Variants in ANO3 observed in about 807,000 individuals in gnomAD.
ANO3 encodes anoctamin-3.
ANO3 carries 99 observed loss-of-function variants against 144.8 expected under a neutral mutation model. The observed-to-expected ratio is 0.68, with a 90% confidence interval of 0.58 to 0.81. The LOEUF (loss-of-function observed/expected upper bound fraction) is 0.81, where lower values mean the gene tolerates loss of function less well. ANO3 is among the 30% of genes least tolerant of loss of function. The pLI is 0.00. For synonymous variants in ANO3, 414 were observed against 392.6 expected, an observed-to-expected ratio of 1.05 and a Z score of -0.64; for missense variants, 905 against 1,202.2, an observed-to-expected ratio of 0.75 and a Z score of 3.66.
chr11:26,465,812 CTGAGT>C (rs1291096793), intron 4 of ANO3, among the ~76,000 whole-genome samples: 2 of 151,846 alleles, frequency 1.3e-5, no homozygotes, highest in East Asian at 3.9e-4. Context: ...CAAACATTTT[CTGAGT>C]TGAGTTGGGG....
At chr11:26,456,770 G>A (rs1408527594) in intron 3 of ANO3, among the ~76,000 whole-genome samples, 16 of 131,026 alleles carry the variant, frequency 1.2e-4, no homozygotes, top group Non-Finnish European at 1.1e-4. Flanking sequence ...AAAGACACAT[G>A]CACACGTATG....
chr11:26,577,522 C>T (rs572106784), intron 14 of ANO3, among the ~76,000 whole-genome samples: 1 of 149,914 alleles, frequency 6.7e-6, no homozygotes, highest in South Asian at 2.1e-4. Context: ...TGAGATTGCG[C>T]CATTACACTC....
chr11:26,487,041 A>G (rs952769185), intron 4 of ANO3, among the ~76,000 whole-genome samples: 1 of 152,214 alleles, frequency 6.6e-6, no homozygotes, highest in Non-Finnish European at 1.5e-5. Context: ...GTGACTTACA[A>G]TTGATTGGCT....
At chr11:26,279,609 C>A (rs12282880) in intron 1 of ANO3, among the ~76,000 whole-genome samples, 4,542 of 152,210 alleles carry the variant, frequency 0.03, 216 homozygotes, top group African/African-American at 0.1. Flanking sequence ...TGTCTTTTTG[C>A]ACATTTCTGT....
At chr11:26,585,082 GC>G (rs1467849314) in intron 14 of ANO3, among the ~76,000 whole-genome samples, 1 of 152,148 alleles carries the variant, frequency 6.6e-6, no homozygotes, top group African/African-American at 2.4e-5. Context: ...TCCTATGGAG[GC>G]CTCTGATCCT....
chr11:26,345,206 C>T (rs1277422453), intron 1 of ANO3, among the ~76,000 whole-genome samples: 4 of 152,100 alleles, frequency 2.6e-5, no homozygotes, highest in African/African-American at 9.7e-5. Flanking sequence ...GGAATTGTGA[C>T]AATCAAAGCA....
chr11:26,629,813 T>C (rs1402278949), intron 18 of ANO3, among the ~76,000 whole-genome samples: 1 of 152,070 alleles, frequency 6.6e-6, no homozygotes, highest in African/African-American at 2.4e-5. Context: ...GTATTTTTAG[T>C]AGAGACAGGG....
At chr11:26,384,915 C>G (rs910953671) in intron 1 of ANO3, among the ~76,000 whole-genome samples, 2 of 152,218 alleles carry the variant, frequency 1.3e-5, no homozygotes, top group Non-Finnish European at 1.5e-5. Context: ...CTTGGCAATT[C>G]TACCTTGTCT....
rs191880864 is a variant in ANO3 at position 26,527,517 on chromosome 11, A to T, written c.737+1838A>T. On this transcript the variant is annotated intron_variant, in intron 7 of 26. Coordinates refer to ENST00000256737, the MANE Select transcript of ANO3 (RefSeq NM_031418.4). ...ATTATATAACATTAAACTGAAAAAA[A>T]TTACAAAATTTGGAAACTCAATCTG... Among the ~76,000 whole-genome samples, 1,003 of 152,276 alleles carry T rather than the reference A, an allele frequency of 6.6e-3. 6 individuals are homozygous for T. The highest frequency in any genetic ancestry group is 1.0e-2 in the Non-Finnish European group (678 of 68,008).
intron 13 of ANO3, among the ~76,000 whole-genome samples, chr11:26,554,185 T>C (rs2134232194): frequency 6.6e-6 from 1 of 152,250 alleles, no homozygotes; most frequent in Non-Finnish European, 1.5e-5. Flanking sequence ...TTGAATCCTG[T>C]GTATTTATGT....
intron 5 of ANO3, among the ~76,000 whole-genome samples, chr11:26,511,470 A>G (rs1354951639): frequency 3.3e-5 from 5 of 152,220 alleles, no homozygotes; most frequent in Non-Finnish European, 7.3e-5. Context: ...TGCACAACTG[A>G]GAGAGTACTT....
chr11:26,639,113 A>C lies in ANO3; in HGVS notation c.2044-31A>C. 2.0e-6 allele frequency: 3 copies of C among 1,467,920 alleles called. No individual in the cohort carries two copies. The South Asian group carries it at 3.4e-5, about 17-fold the overall frequency. The allele number at this position is 1,467,920 out of a possible 1,614,324, so 90.9% of individuals were successfully genotyped here. A position where few individuals can be genotyped will look rare whatever the true frequency, so the allele number is the denominator to read the frequency against. On this transcript the variant is annotated intron_variant, in intron 20 of 26. Transcript: ENST00000256737. ...TCTGAGCCTACTGGGAAGAAGACCA[A>C]TATCATTATTGCTCTTATGTTCTAT...
intron 1 of ANO3, among the ~76,000 whole-genome samples, chr11:26,283,195 G>A (rs1218897111): frequency 6.7e-6 from 1 of 150,366 alleles, no homozygotes; most frequent in Non-Finnish European, 1.5e-5. Flanking sequence ...TCTTATACAA[G>A]GTATATGATG....
intron 4 of ANO3, among the ~76,000 whole-genome samples, chr11:26,465,030 A>G (rs1047800510): frequency 6.6e-6 from 1 of 151,608 alleles, no homozygotes; most frequent in Non-Finnish European, 1.5e-5. Context: ...ACCTCAAAAA[A>G]GCAATAATCT....
At chr11:26,246,595 T>C (rs944826332) in intron 1 of ANO3, among the ~76,000 whole-genome samples, 62 of 149,812 alleles carry the variant, frequency 4.1e-4, no homozygotes, top group African/African-American at 1.5e-3. Flanking sequence ...TAATTTACCT[T>C]ATTTTTAAGA....
intron 1 of ANO3, among the ~76,000 whole-genome samples, chr11:26,231,388 C>G (rs1301559359): frequency 6.6e-6 from 1 of 152,064 alleles, no homozygotes; most frequent in Non-Finnish European, 1.5e-5. Context: ...TGACTCACCA[C>G]AGCCACGCAT....
intron 3 of ANO3, among the ~76,000 whole-genome samples, chr11:26,461,213 A>G (rs967884589): frequency 6.6e-6 from 1 of 152,106 alleles, no homozygotes; most frequent in Non-Finnish European, 1.5e-5. Flanking sequence ...TGCCTTACAA[A>G]CTGGCAGTCA....
chr11:26,622,716 T>A (rs1465024555), intron 17 of ANO3, among the ~76,000 whole-genome samples: 1 of 152,230 alleles, frequency 6.6e-6, no homozygotes. Flanking sequence ...CTCAGTCGTG[T>A]TGTCTCACTA....
At chr11:26,442,332 T>C (rs1858549435) in intron 2 of ANO3, among the ~76,000 whole-genome samples, 1 of 152,178 alleles carries the variant, frequency 6.6e-6, no homozygotes, top group Non-Finnish European at 1.5e-5. Flanking sequence ...GGACCTAATA[T>C]TTGTTTGCAG....
Sources: allele counts gnomAD v4.1 joint callset (sites outside exome capture counted in the v4.1 genomes callset), GRCh38; gene constraint gnomAD v4.1.1; transcripts MANE v1.5; gene names NCBI Gene and HGNC (gene_info 2026-07-23, HGNC 2026-07-21).